The following CTNNA2 variants were observed in gnomAD, a reference collection of about 807,000 sequenced individuals.
The protein encoded by CTNNA2 is catenin alpha 2.
In CTNNA2, 42 loss-of-function variants were observed where a neutral mutation model predicts 101.0. The observed-to-expected ratio is 0.42, with a 90% confidence interval of 0.32 to 0.54. CTNNA2 has a LOEUF of 0.54. Ranked by LOEUF, CTNNA2 falls within the 20% of genes least tolerant of loss-of-function variation. The pLI is 0.14. For missense variants in CTNNA2, 871 were observed against 1,223.1 expected, an observed-to-expected ratio of 0.71 and a Z score of 4.29; for synonymous variants, 450 against 456.4, an observed-to-expected ratio of 0.99 and a Z score of 0.18.
rs1433434098 is a variant in CTNNA2 at position 80,303,887 on chromosome 2, T to C, written c.1057-89324T>C. On this transcript the variant is annotated intron_variant, in intron 7 of 18. Coordinates refer to ENST00000402739, the MANE Select transcript of CTNNA2 (RefSeq NM_001282597.3). The surrounding 1 kb of genome is among the most constrained non-coding windows in gnomAD (Gnocchi z 7.7). ...AGCGCTCGGTCAGAAATCTACATCA[T>C]ATTTTATTCCGAGGGAGGGGAAGCG... is the stretch of plus-strand genomic sequence containing the variant. 4 of 1,439,208 alleles carry C rather than the reference T, an allele frequency of 2.8e-6. No individual in the cohort carries two copies. In the African/African-American group the frequency reaches 4.3e-5, roughly 15 times the overall value. 89.2% of individuals were successfully genotyped at this position (1,439,208 alleles called of 1,614,324 possible).
At chr2:79,748,331 C>T (rs72822596) in intron 3 of CTNNA2, among the ~76,000 whole-genome samples, 3 of 152,298 alleles carry the variant, frequency 2.0e-5, no homozygotes, top group Non-Finnish European at 4.4e-5. Flanking sequence ...ATCTTTCCTT[C>T]TATCATAGAA....
chr2:79,961,821 C>CAAAAA (rs35063153), intron 7 of CTNNA2, among the ~76,000 whole-genome samples: 4 of 86,814 alleles, frequency 4.6e-5, no homozygotes, highest in Admixed American at 1.4e-4. Flanking sequence ...GACTCCGTCT[C>CAAAAA]AAAAAAAAAA....
chr2:80,105,549 C>T lies in CTNNA2; in HGVS notation c.1056+195752C>T, dbSNP rs138333251. On this transcript the variant is annotated intron_variant, in intron 7 of 18. Coordinates refer to ENST00000402739, the MANE Select transcript of CTNNA2 (RefSeq NM_001282597.3). ...GACCAGCCTGGGCAACATAGTGAGA[C>T]CCCATCTCTACAAAGAATAACAACA... Among the ~76,000 whole-genome samples the T allele has an allele frequency of 3.9e-3, 596 of 152,168 alleles. 3 individuals are homozygous for T. Among genetic ancestry groups the T allele is most frequent in the Non-Finnish European group, 5.9e-3 (402 of 68,008 alleles).
chr2:80,104,642 G>A (rs1449763449), intron 7 of CTNNA2, among the ~76,000 whole-genome samples: 1 of 152,198 alleles, frequency 6.6e-6, no homozygotes, highest in Non-Finnish European at 1.5e-5. Context: ...GGAGTGGGGA[G>A]ATATGATTTG....
intron 7 of CTNNA2, among the ~76,000 whole-genome samples, chr2:79,954,486 A>G (rs1299160432): frequency 6.6e-6 from 1 of 152,166 alleles, no homozygotes; most frequent in Admixed American, 6.5e-5. Context: ...TGTTGCTGTC[A>G]TATAAATGTC....
At chr2:80,218,530 T>C (rs568899482) in intron 7 of CTNNA2, among the ~76,000 whole-genome samples, 8 of 152,356 alleles carry the variant, frequency 5.3e-5, no homozygotes, top group African/African-American at 1.9e-4. Context: ...GCAAGGGCTC[T>C]GGAATCAGAG....
At chr2:79,444,230 A>C (rs1429294488) in intron 4 of CTNNA2, among the ~76,000 whole-genome samples, 1 of 152,120 alleles carries the variant, frequency 6.6e-6, no homozygotes, top group Admixed American at 6.6e-5. Context: ...ATTTTAAGCA[A>C]GTAAATTTGG....
chr2:80,635,113 C>T (rs1672738837), intron 18 of CTNNA2, among the ~76,000 whole-genome samples: 1 of 152,124 alleles, frequency 6.6e-6, no homozygotes, highest in East Asian at 1.9e-4. Context: ...ATGGTTACAA[C>T]TCATTGTTAA....
intron 7 of CTNNA2, among the ~76,000 whole-genome samples, chr2:80,082,248 G>A (rs76243635): frequency 3.3e-5 from 5 of 151,986 alleles, no homozygotes; most frequent in Non-Finnish European, 5.9e-5. Flanking sequence ...TGGTGGTTTC[G>A]TTTATTTTGG....
At chr2:80,147,848 T>C (rs1443900649) in intron 7 of CTNNA2, among the ~76,000 whole-genome samples, 2 of 146,146 alleles carry the variant, frequency 1.4e-5, no homozygotes, top group African/African-American at 2.5e-5. Context: ...AGAAACACAA[T>C]TGATATGCCA....
chr2:79,434,306 A>AC (rs1678690033), intron 4 of CTNNA2, among the ~76,000 whole-genome samples: 1 of 151,944 alleles, frequency 6.6e-6, no homozygotes, highest in Admixed American at 6.6e-5. Context: ...AAAAAAAAAA[A>AC]AAAAAAAGGA....
At chr2:79,650,182 G>C (rs1446056170) in intron 1 of CTNNA2, among the ~76,000 whole-genome samples, 5 of 136,846 alleles carry the variant, frequency 3.7e-5, no homozygotes, top group African/African-American at 1.0e-4. Context: ...TCGGGGGGGG[G>C]GGGGGAGGGG....
intron 18 of CTNNA2, among the ~76,000 whole-genome samples, chr2:80,621,905 C>T (rs1671165097): frequency 6.6e-6 from 1 of 151,764 alleles, no homozygotes; most frequent in Non-Finnish European, 1.5e-5. Flanking sequence ...CTGGATTGCA[C>T]TGGGGAGTCT....
At chr2:80,335,011 A>G (rs1671649488) in intron 7 of CTNNA2, among the ~76,000 whole-genome samples, 1 of 152,234 alleles carries the variant, frequency 6.6e-6, no homozygotes, top group South Asian at 2.1e-4. Flanking sequence ...TGAATGAATT[A>G]AGAAAGAAAG....
At chr2:80,297,354 T>C (rs77556760) in intron 7 of CTNNA2, among the ~76,000 whole-genome samples, 2,546 of 152,292 alleles carry the variant, frequency 0.017, 83 homozygotes, top group African/African-American at 0.058. Flanking sequence ...TTGCACAATG[T>C]ACCTGACTTC....
chr2:80,495,254 T>C (rs2149523539), intron 9 of CTNNA2, among the ~76,000 whole-genome samples: 1 of 152,344 alleles, frequency 6.6e-6, no homozygotes, highest in South Asian at 2.1e-4. Flanking sequence ...TTCCTATTAA[T>C]ACAAACAACT....
At chr2:80,102,168 A>T (rs1369028027) in intron 7 of CTNNA2, among the ~76,000 whole-genome samples, 3 of 152,152 alleles carry the variant, frequency 2.0e-5, no homozygotes, top group African/African-American at 4.8e-5. Context: ...TGAATCATTG[A>T]AGGCATCCAC....
intron 18 of CTNNA2, among the ~76,000 whole-genome samples, chr2:80,639,017 CT>C (rs1161054101): frequency 6.6e-6 from 1 of 150,922 alleles, no homozygotes; most frequent in Non-Finnish European, 1.5e-5. Context: ...TCTGGCATTA[CT>C]TAAGGAAGCC....
At chr2:80,064,670 G>T (rs1436736992) in intron 7 of CTNNA2, among the ~76,000 whole-genome samples, 5 of 152,254 alleles carry the variant, frequency 3.3e-5, no homozygotes, top group Admixed American at 2.6e-4. Flanking sequence ...TCCACACCAG[G>T]GTAGCCTGGA....
Sources: gnomAD v4.1 joint callset for allele counts (sites outside exome capture counted in the v4.1 genomes callset) on GRCh38, gnomAD v4.1.1 for gene constraint, Gnocchi (gnomAD v3.1) non-coding constraint, MANE v1.5 for transcripts, NCBI Gene and HGNC (gene_info 2026-07-23, HGNC 2026-07-21) for gene names.